OSBP2: variants seen among roughly 807,000 people sequenced by gnomAD.
OSBP2 encodes the protein oxysterol-binding protein 2.
Under a neutral mutation model 96.0 loss-of-function variants are expected in OSBP2, and 66 were observed. That is an observed-to-expected ratio of 0.69 (90% CI 0.56 to 0.84). The LOEUF is 0.84. Ranked by LOEUF, OSBP2 falls within the 40% of genes least tolerant of loss-of-function variation. OSBP2 has a pLI of 0.00. For synonymous variants in OSBP2, 525 were observed against 520.9 expected (o/e 1.01, Z -0.11); for missense variants, 1,038 against 1,222.7 (o/e 0.85, Z 2.25).
At chr22:30,866,772 A>G (rs1438193906) in intron 2 of OSBP2, among the ~76,000 whole-genome samples, 3 of 152,110 alleles carry the variant, frequency 2.0e-5, no homozygotes, top group African/African-American at 7.2e-5. Context: ...GTGTTGTTTC[A>G]AGCCATTGTC....
At chr22:30,783,575 G>T (rs985893962) in intron 2 of OSBP2, among the ~76,000 whole-genome samples, 5 of 151,896 alleles carry the variant, frequency 3.3e-5, no homozygotes, top group African/African-American at 1.2e-4. Context: ...ACCCACCTTG[G>T]CCTCCCAAAG....
chr22:30,778,561 C>A (rs1569119697), intron 2 of OSBP2, among the ~76,000 whole-genome samples: 2 of 152,074 alleles, frequency 1.3e-5, no homozygotes, highest in Non-Finnish European at 2.9e-5. Flanking sequence ...TTGGAGCTCC[C>A]TTTTGTTGGT....
intron 3 of OSBP2, among the ~76,000 whole-genome samples, chr22:30,874,856 G>T (rs1392058520): frequency 1.3e-5 from 2 of 152,120 alleles, no homozygotes; most frequent in Non-Finnish European, 2.9e-5. Flanking sequence ...GCTTTCCAAG[G>T]CCTCTCTTGG....
At chr22:30,771,753 C>T (rs150639265) in intron 2 of OSBP2, among the ~76,000 whole-genome samples, 2,022 of 152,340 alleles carry the variant, frequency 0.013, 26 homozygotes, top group Middle Eastern at 0.044. Context: ...CCAGAGCTTC[C>T]ACCTGAATCA....
intron 2 of OSBP2, among the ~76,000 whole-genome samples, chr22:30,863,634 T>G (rs1214153333): frequency 2.0e-5 from 3 of 152,154 alleles, no homozygotes; most frequent in Non-Finnish European, 4.4e-5. Context: ...TTGCCAGGGC[T>G]CGGGGACTAG....
At chr22:30,711,846 G>T (rs2089359073) in intron 1 of OSBP2, among the ~76,000 whole-genome samples, 1 of 151,922 alleles carries the variant, frequency 6.6e-6, no homozygotes, top group South Asian at 2.1e-4. Context: ...GTGTCTGCCT[G>T]GTCCCCTTTA....
intron 1 of OSBP2, among the ~76,000 whole-genome samples, chr22:30,727,507 C>T (rs1029264034): frequency 2.0e-5 from 3 of 152,070 alleles, no homozygotes; most frequent in Non-Finnish European, 2.9e-5. Context: ...GAGGTGAGAA[C>T]AAGGGAGGCT....
intron 1 of OSBP2, among the ~76,000 whole-genome samples, chr22:30,713,179 C>T (rs1425445129): frequency 1.3e-5 from 2 of 151,238 alleles, no homozygotes; most frequent in Non-Finnish European, 2.9e-5. Flanking sequence ...CCTGGGTTCA[C>T]GCCATTCTCC....
intron 2 of OSBP2, among the ~76,000 whole-genome samples, chr22:30,792,081 A>T (rs2090683355): frequency 6.6e-6 from 1 of 152,018 alleles, no homozygotes; most frequent in East Asian, 1.9e-4. Flanking sequence ...GGAGGCTGAG[A>T]TGGGTGGATC....
chr22:30,834,153 G>A (rs998457485), intron 2 of OSBP2, among the ~76,000 whole-genome samples: 3 of 151,932 alleles, frequency 2.0e-5, no homozygotes, highest in Admixed American at 2.0e-4. Flanking sequence ...AGGCTCAGGT[G>A]ATCCTCCCAC....
chr22:30,903,516 C>T (rs1357186963), intron 12 of OSBP2, among the ~76,000 whole-genome samples: 1 of 152,206 alleles, frequency 6.6e-6, no homozygotes, highest in Non-Finnish European at 1.5e-5. Context: ...AGGGAGTCCA[C>T]GGAGAAAACA....
intron 2 of OSBP2, among the ~76,000 whole-genome samples, chr22:30,787,107 CTTACCAG>C (rs1486641072): frequency 6.6e-6 from 1 of 152,088 alleles, no homozygotes; most frequent in Admixed American, 6.6e-5. Context: ...CAGGAAAGGT[CTTACCAG>C]TCAGATTCTC....
At chr22:30,896,824 T>G (rs931410306) in intron 12 of OSBP2, among the ~76,000 whole-genome samples, 6 of 152,008 alleles carry the variant, frequency 3.9e-5, no homozygotes, top group African/African-American at 1.5e-4. Context: ...TTTTAAAAAT[T>G]TTTTATAGAG....
At position 30,860,498 on chromosome 22, in the gene OSBP2, C is replaced by T. The variant is rs117633575; in HGVS notation, c.854-9931C>T. 1.9e-4 allele frequency among the ~76,000 whole-genome samples: 29 copies of T among 152,356 alleles called. No individual in the cohort carries two copies. In the East Asian group the frequency reaches 5.4e-3, roughly 28 times the overall value. On this transcript the variant is annotated intron_variant, in intron 2 of 13. Coordinates refer to ENST00000332585, the MANE Select transcript of OSBP2 (RefSeq NM_030758.4). ...GGGAGAAGCTGAGCATCTTGCCAGGCTCACTTCGCGCCAGAGGAGGGGGCT... is the reference window on the plus strand; with the variant it reads ...GGGAGAAGCTGAGCATCTTGCCAGGTTCACTTCGCGCCAGAGGAGGGGGCT...
chr22:30,695,971 A>AC (rs976958023), intron 1 of OSBP2, among the ~76,000 whole-genome samples: 8 of 151,668 alleles, frequency 5.3e-5, no homozygotes, highest in Admixed American at 6.6e-5. Context: ...AGTCCTTAGG[A>AC]CCCACACTCT....
intron 2 of OSBP2, among the ~76,000 whole-genome samples, chr22:30,808,065 C>T (rs943369000): frequency 6.6e-6 from 1 of 152,186 alleles, no homozygotes; most frequent in South Asian, 2.1e-4. Flanking sequence ...GCGGGGATTA[C>T]AGGTGTGAGC....
At chr22:30,838,671 G>A (rs911476250) in intron 2 of OSBP2, among the ~76,000 whole-genome samples, 3 of 151,938 alleles carry the variant, frequency 2.0e-5, no homozygotes, top group Admixed American at 6.6e-5. Flanking sequence ...ATTTTATGAC[G>A]AAGAGATGTT....
At chr22:30,858,619 C>T (rs1176404979) in intron 2 of OSBP2, among the ~76,000 whole-genome samples, 1 of 151,480 alleles carries the variant, frequency 6.6e-6, no homozygotes, top group African/African-American at 2.4e-5. Context: ...TGGCTCACAC[C>T]TGTAATCCCA....
chr22:30,739,269 C>A (rs1310018914), intron 1 of OSBP2, among the ~76,000 whole-genome samples: 1 of 152,216 alleles, frequency 6.6e-6, no homozygotes, highest in African/African-American at 2.4e-5. Context: ...TTTGCCCAGC[C>A]AATGCCTTCA....
Sources: gnomAD v4.1 joint callset for allele counts (sites outside exome capture counted in the v4.1 genomes callset) on GRCh38, gnomAD v4.1.1 for gene constraint, MANE v1.5 for transcripts, NCBI Gene and HGNC (gene_info 2026-07-23, HGNC 2026-07-21) for gene names.